Variants in PIK3R3 observed in about 807,000 individuals in gnomAD.
PIK3R3 encodes the protein phosphatidylinositol 3-kinase regulatory subunit gamma.
PIK3R3 carries 64 observed loss-of-function variants against 62.9 expected under a neutral mutation model. The ratio of observed to expected loss-of-function variants is 1.02; its 90% confidence interval spans 0.83 to 1.25. PIK3R3 has a LOEUF of 1.25. Among genes scored for constraint, PIK3R3 ranks in the 50% most tolerant of loss-of-function variants. The pLI is 0.00. For missense variants in PIK3R3, 614 were observed against 561.6 expected, an observed-to-expected ratio of 1.09 and a Z score of -0.94; for synonymous variants, 165 against 189.0, an observed-to-expected ratio of 0.87 and a Z score of 1.04.
intron 1 of PIK3R3, among the ~76,000 whole-genome samples, chr1:46,095,859 C>G (rs1652074955): frequency 6.6e-6 from 1 of 152,148 alleles, no homozygotes; most frequent in Admixed American, 6.5e-5. Flanking sequence ...TAAATAGTTT[C>G]TTCAGTTAAA....
intron 1 of PIK3R3, among the ~76,000 whole-genome samples, chr1:46,085,761 T>C: frequency 6.6e-6 from 1 of 152,250 alleles, no homozygotes; most frequent in Non-Finnish European, 1.5e-5. Context: ...AGGTGAGCAC[T>C]GCAATGCTGA....
At chr1:46,089,458 G>A (rs903594424) in intron 1 of PIK3R3, among the ~76,000 whole-genome samples, 1 of 152,160 alleles carries the variant, frequency 6.6e-6, no homozygotes, top group Non-Finnish European at 1.5e-5. Context: ...GCTCACGCCT[G>A]TAATCCCAGC....
At chr1:46,103,715 CT>C (rs1293916438) in intron 1 of PIK3R3, among the ~76,000 whole-genome samples, 1 of 151,958 alleles carries the variant, frequency 6.6e-6, no homozygotes, top group African/African-American at 2.4e-5. Context: ...CTGCCTCAGC[CT>C]CCCAAGTAGC....
chr1:46,104,610 C>T (rs1009373336), intron 1 of PIK3R3, among the ~76,000 whole-genome samples: 4 of 152,048 alleles, frequency 2.6e-5, no homozygotes, highest in South Asian at 2.1e-4. Context: ...TCTATCTTCA[C>T]CTTCACAATG....
At chr1:46,124,868 C>T (rs1040581365) in intron 1 of PIK3R3, among the ~76,000 whole-genome samples, 3 of 150,024 alleles carry the variant, frequency 2.0e-5, no homozygotes, top group Admixed American at 2.0e-4. Flanking sequence ...GAGGCCGAGG[C>T]GGGTGGATTG....
chr1:46,145,245 G>A, the PIK3R3 span, among the ~76,000 whole-genome samples: 1 of 151,870 alleles, frequency 6.6e-6, no homozygotes, highest in Non-Finnish European at 1.5e-5. Flanking sequence ...TCCTACCCTT[G>A]GCTCTATCCT....
rs1473392301 is a variant in PIK3R3 at position 46,042,386 on chromosome 1, C to T, written c.*1287G>A. ...ATGGCTTCTACTAACAGTCTAAACA[C>T]TAAGCCATCTTCTCTCCCTGCAAAA... On this transcript the variant is annotated 3_prime_UTR_variant, in exon 10 of 10. Transcript: ENST00000262741. The surrounding 1 kb of genome is among the most constrained non-coding windows in gnomAD (Gnocchi z 4.3). 4.4e-6 allele frequency: 1 copy of T among 228,966 alleles called. No individual in the cohort carries two copies. The highest frequency in any genetic ancestry group is 5.7e-5 in the Admixed American group (1 of 17,626). The allele number at this position is 228,966 out of a possible 1,614,324, so 14.2% of individuals were successfully genotyped here.
rs181568130 is a variant in PIK3R3, at chr1:46,124,711, G to A, written c.106+7136C>T. Among the ~76,000 whole-genome samples the A allele has an allele frequency of 5.1e-3, 766 of 150,746 alleles. 6 individuals carry two copies. Among genetic ancestry groups the A allele is most frequent in the African/African-American group, 0.018 (721 of 40,934 alleles). Reference sequence around the variant, plus strand: ...CTTGGGAGCCTGAGGCAGGAGAATCGCTGGAACCCAGGAGGCGGAGGTTGC... The same window carrying A: ...CTTGGGAGCCTGAGGCAGGAGAATCACTGGAACCCAGGAGGCGGAGGTTGC... On this transcript the variant is annotated intron_variant, in intron 1 of 9. Transcript: ENST00000262741.
chr1:46,167,706 C>A, the PIK3R3 span, among the ~76,000 whole-genome samples: 1 of 152,194 alleles, frequency 6.6e-6, no homozygotes, highest in Non-Finnish European at 1.5e-5. Context: ...GCATCCTGAC[C>A]TCAAGTCCTG....
chr1:46,125,150 A>G (rs1654988074), intron 1 of PIK3R3, among the ~76,000 whole-genome samples: 1 of 152,160 alleles, frequency 6.6e-6, no homozygotes, highest in South Asian at 2.1e-4. Flanking sequence ...TTCAGCATCA[A>G]AACAATGAGA....
chr1:46,136,905 A>G (rs1655954678), upstream of PIK3R3, among the ~76,000 whole-genome samples: 1 of 152,198 alleles, frequency 6.6e-6, no homozygotes, highest in Non-Finnish European at 1.5e-5. Flanking sequence ...CAGGGGAGAG[A>G]GCACAAATTA....
chr1:46,076,987 A>T (rs1045615711), intron 3 of PIK3R3, among the ~76,000 whole-genome samples: 2 of 152,208 alleles, frequency 1.3e-5, no homozygotes, highest in African/African-American at 4.8e-5. Context: ...GAAATTTCTC[A>T]TGCAGTTTTC....
chr1:46,045,873 T>C (rs774921134), intron 9 of PIK3R3, 45 bp downstream of exon 9: 20 of 1,516,544 alleles, frequency 1.3e-5, no homozygotes, highest in East Asian at 2.3e-5. Flanking sequence ...TTATAATAAT[T>C]GATGCAAAAG....
Position 46,055,048 on chromosome 1 carries a change from G to A in PIK3R3, c.941+747C>T, listed in dbSNP as rs188417090. Among the ~76,000 whole-genome samples, 986 of 145,324 alleles carry A rather than the reference G, an allele frequency of 6.8e-3. 11 individuals are homozygous for A. Among genetic ancestry groups the A allele is most frequent in the African/African-American group, 0.024 (949 of 38,970 alleles). On this transcript the variant is annotated intron_variant, in intron 7 of 9. Transcript: ENST00000262741. ...CTCCCAAGTAGCTGGGATTACAGGCGCCCACCACTATGCCCAGCTAATTTT... is the reference window on the plus strand; with the variant it reads ...CTCCCAAGTAGCTGGGATTACAGGCACCCACCACTATGCCCAGCTAATTTT...
intron 3 of PIK3R3, among the ~76,000 whole-genome samples, chr1:46,074,900 G>C (rs946051983): frequency 6.6e-6 from 1 of 152,178 alleles, no homozygotes; most frequent in Admixed American, 6.5e-5. Context: ...ATCACATGAT[G>C]AGAGTATGTG....
At chr1:46,104,995 C>T (rs1653061350) in intron 1 of PIK3R3, 5 of 719,942 alleles carry the variant, frequency 6.9e-6, no homozygotes, top group South Asian at 2.7e-5. Flanking sequence ...TGCAAACAAT[C>T]GCAAGGCAGA....
At chr1:46,084,282 A>C (rs1453864521) in intron 1 of PIK3R3, among the ~76,000 whole-genome samples, 1 of 152,164 alleles carries the variant, frequency 6.6e-6, no homozygotes, top group African/African-American at 2.4e-5. Context: ...AGTGACTGCT[A>C]ATGTATAAAG....
chr1:46,144,849 G>A, the PIK3R3 span, among the ~76,000 whole-genome samples: 16 of 152,136 alleles, frequency 1.1e-4, no homozygotes, highest in African/African-American at 3.9e-4. Flanking sequence ...TTGAGGCTGG[G>A]CACGGCGGCT....
At chr1:46,081,345 G>A (rs1393631384) in intron 1 of PIK3R3, among the ~76,000 whole-genome samples, 1 of 152,252 alleles carries the variant, frequency 6.6e-6, no homozygotes, top group East Asian at 1.9e-4. Flanking sequence ...CCGAGACAGA[G>A]ATTCCCTAAC....
Sources: allele counts gnomAD v4.1 joint callset (sites outside exome capture counted in the v4.1 genomes callset), GRCh38; gene constraint gnomAD v4.1.1; non-coding constraint Gnocchi (gnomAD v3.1); transcripts MANE v1.5; gene names NCBI Gene and HGNC (gene_info 2026-07-23, HGNC 2026-07-21).